The following RASSF3 variants were observed in gnomAD, a reference collection of about 807,000 sequenced individuals.
The protein encoded by RASSF3 is Ras association domain family member 3.
Under a neutral mutation model 19.9 loss-of-function variants are expected in RASSF3, and 19 were observed. That is an observed-to-expected ratio of 0.96 (90% CI 0.67 to 1.40). RASSF3 has a LOEUF of 1.40. RASSF3 is among the 40% of genes most tolerant of loss of function. The pLI is 0.00. For missense variants in RASSF3, 306 were observed against 289.8 expected (o/e 1.06, Z -0.41); for synonymous variants, 110 against 104.2 (o/e 1.06, Z -0.34).
At chr12:64,663,949 T>G (rs1363075992) in intron 1 of RASSF3, among the ~76,000 whole-genome samples, 1 of 145,072 alleles carries the variant, frequency 6.9e-6, no homozygotes, top group Non-Finnish European at 1.5e-5. Context: ...AAATATAGAA[T>G]ATCTCCAAAT....
At chr12:64,641,452 T>C (rs1039586156) in intron 1 of RASSF3, among the ~76,000 whole-genome samples, 2 of 120,302 alleles carry the variant, frequency 1.7e-5, no homozygotes, top group East Asian at 2.2e-4. Context: ...AGAAACCCTA[T>C]GGACGTGGGG....
intron 1 of RASSF3, among the ~76,000 whole-genome samples, chr12:64,656,335 G>C (rs1218934531): frequency 6.6e-6 from 1 of 152,090 alleles, no homozygotes; most frequent in East Asian, 1.9e-4. Flanking sequence ...TAGTGGGCCT[G>C]GGGTTTCTTT....
chr12:64,618,200 G>A (rs7313765), intron 1 of RASSF3, among the ~76,000 whole-genome samples: 51,326 of 151,764 alleles, frequency 0.34, 9,541 homozygotes, highest in Non-Finnish European at 0.42. Flanking sequence ...CTATAGCCTC[G>A]AACTCCTGGG....
chr12:64,660,259 ATTC>A (rs887437654), intron 1 of RASSF3, among the ~76,000 whole-genome samples: 5 of 152,062 alleles, frequency 3.3e-5, no homozygotes, highest in Non-Finnish European at 5.9e-5. Flanking sequence ...CTGGAAACAA[ATTC>A]TTTGTTTTTT....
At chr12:64,590,065 CAAAAA>C (rs10578124) in intron 2 of RASSF3, among the ~76,000 whole-genome samples, 3 of 133,450 alleles carry the variant, frequency 2.2e-5, no homozygotes, top group African/African-American at 2.9e-5. Flanking sequence ...ACTCTTATCT[CAAAAA>C]AAAAAAAAAA....
chr12:64,514,509 A>C (rs920485220), intron 1 of RASSF3, among the ~76,000 whole-genome samples: 1 of 152,026 alleles, frequency 6.6e-6, no homozygotes. Flanking sequence ...ATTTAAATGA[A>C]GTAGTGTTTC....
At chr12:64,625,032 T>TAGACCATATGG (rs1443623607) in intron 1 of RASSF3, among the ~76,000 whole-genome samples, 1 of 152,068 alleles carries the variant, frequency 6.6e-6, no homozygotes, top group Admixed American at 6.6e-5. Flanking sequence ...TTGAGGGTAG[T>TAGACCATATGG]AGACCATATG....
chr12:64,684,297 C>T (rs1873253645), intron 1 of RASSF3, among the ~76,000 whole-genome samples: 2 of 151,442 alleles, frequency 1.3e-5, no homozygotes, highest in Non-Finnish European at 2.9e-5. Flanking sequence ...TGTTGCCCAG[C>T]CTGGTCACAA....
At chr12:64,549,900 A>T (rs185753828) in intron 2 of RASSF3, among the ~76,000 whole-genome samples, 1 of 152,232 alleles carries the variant, frequency 6.6e-6, no homozygotes, top group Admixed American at 6.5e-5. Flanking sequence ...ACACAATCAT[A>T]TCAATATCAT....
At chr12:64,677,175 T>C (rs557038336) in intron 1 of RASSF3, among the ~76,000 whole-genome samples, 28 of 152,232 alleles carry the variant, frequency 1.8e-4, no homozygotes, top group Non-Finnish European at 3.7e-4. Context: ...TTGCAATGTT[T>C]ACTACAGTAA....
At chr12:64,545,082 T>G (rs546282580), downstream of RASSF3, among the ~76,000 whole-genome samples, 154 of 152,332 alleles carry the variant, frequency 1.0e-3, no homozygotes, top group African/African-American at 3.5e-3. Flanking sequence ...AGTTTACAAC[T>G]GGAGCCGATT....
chr12:64,541,211 C>G (rs998201068), intron 1 of RASSF3, among the ~76,000 whole-genome samples: 2 of 151,994 alleles, frequency 1.3e-5, no homozygotes, highest in Non-Finnish European at 2.9e-5. Flanking sequence ...GTATTGAACT[C>G]CTGGGCTCAA....
intron 1 of RASSF3, among the ~76,000 whole-genome samples, chr12:64,515,811 C>T (rs2136100151): frequency 6.6e-6 from 1 of 152,256 alleles, no homozygotes; most frequent in East Asian, 1.9e-4. Flanking sequence ...AAGCAAGAGC[C>T]ACCACACATG....
intron 2 of RASSF3, among the ~76,000 whole-genome samples, chr12:64,547,180 G>A (rs772450928): frequency 1.3e-5 from 2 of 151,490 alleles, no homozygotes; most frequent in Admixed American, 1.3e-4. Flanking sequence ...ACTGAGGCAC[G>A]AGAATTGCTT....
chr12:64,687,720 T>C (rs551066013), intron 2 of RASSF3, among the ~76,000 whole-genome samples: 9 of 152,186 alleles, frequency 5.9e-5, no homozygotes, highest in Non-Finnish European at 1.3e-4. Context: ...AAATAGCCTG[T>C]TTTCTTACTG....
intron 2 of RASSF3, among the ~76,000 whole-genome samples, chr12:64,586,966 C>A (rs1869815580): frequency 2.0e-5 from 3 of 151,834 alleles, no homozygotes; most frequent in African/African-American, 4.8e-5. Context: ...CCCCAAACTA[C>A]TCAGCTCATA....
intron 1 of RASSF3, among the ~76,000 whole-genome samples, chr12:64,664,728 T>TTA (rs1481131585): frequency 1.3e-5 from 2 of 152,156 alleles, no homozygotes; most frequent in African/African-American, 4.8e-5. Context: ...CACCGGCACT[T>TTA]TCCAAAAAAC....
At chr12:64,693,847 G>A (rs535824881) in intron 4 of RASSF3, among the ~76,000 whole-genome samples, 1 of 152,344 alleles carries the variant, frequency 6.6e-6, no homozygotes, top group African/African-American at 2.4e-5. Flanking sequence ...CAGCTGTGGT[G>A]TAGGTAAGGT....
In RASSF3 at chr12:64,541,432, C is replaced by T. The variant is rs76877543; in HGVS notation, c.68-149C>T. 1.5e-3 allele frequency: 606 copies of T among 395,090 alleles called. 2 individuals carry two copies. The highest frequency in any genetic ancestry group is 0.012 in the African/African-American group (570 of 48,696). 24.5% of individuals were successfully genotyped at this position (395,090 alleles called of 1,614,324 possible). A position where few individuals can be genotyped will look rare whatever the true frequency, so the allele number is the denominator to read the frequency against. On this transcript the variant is annotated intron_variant, in intron 1 of 1. Transcript: ENST00000636333. ...AGGTTAAATGGCTCTGCCTTGTGAA[C>T]AGATGGGCCCCACACAAACTCATTT...
Sources: allele counts gnomAD v4.1 joint callset (sites outside exome capture counted in the v4.1 genomes callset), GRCh38; gene constraint gnomAD v4.1.1; transcripts MANE v1.5; gene names NCBI Gene and HGNC (gene_info 2026-07-23, HGNC 2026-07-21).